Variants in TMEM132C observed in about 807,000 individuals in gnomAD.
TMEM132C encodes transmembrane protein 132C.
A neutral mutation model predicts 61.4 loss-of-function variants in TMEM132C; 29 were observed. The observed-to-expected ratio is 0.47, with a 90% confidence interval of 0.35 to 0.64. The LOEUF (loss-of-function observed/expected upper bound fraction) is 0.64, where lower values mean the gene tolerates loss of function less well. TMEM132C is among the 30% of genes least tolerant of loss of function. The pLI is 0.00. For synonymous variants in TMEM132C, 656 were observed against 633.1 expected (o/e 1.04, Z -0.54); for missense variants, 1,408 against 1,476.9 (o/e 0.95, Z 0.76).
intron 2 of TMEM132C, among the ~76,000 whole-genome samples, chr12:128,447,992 C>T (rs1295902917): frequency 2.1e-5 from 2 of 95,582 alleles, no homozygotes; most frequent in African/African-American, 5.6e-5. Context: ...TCCCAAAGTG[C>T]TGGGTCAAGT....
intron 1 of TMEM132C, among the ~76,000 whole-genome samples, chr12:128,374,200 G>T (rs1874112992): frequency 6.6e-6 from 1 of 152,184 alleles, no homozygotes; most frequent in Non-Finnish European, 1.5e-5. Flanking sequence ...ACATCCGGGA[G>T]ACTATTGCAT....
chr12:128,705,138 C>A lies in TMEM132C; in HGVS notation c.2170C>A (p.Pro724Thr). The A allele has an allele frequency of 1.9e-6, 3 of 1,551,026 alleles. No homozygotes were observed. The highest frequency in any genetic ancestry group is 1.7e-6 in the Non-Finnish European group (2 of 1,146,632). ...WLQFSDGSVTPLDIYDTKDFS... is the reference protein window; with the variant it reads ...WLQFSDGSVTTLDIYDTKDFS... The stretch of plus-strand genomic sequence containing the variant: ...GCAGTTCAGTGATGGCTCTGTGACG[C>A]CCCTGGACATCTACGACACCAAGGA... Residue 724 changes from proline to threonine, a missense_variant, in exon 9 of 9, where the codon CCC becomes ACC. Physicochemically the swap from Pro to Thr is conservative, Grantham distance 38. Coordinates refer to ENST00000435159, the MANE Select transcript of TMEM132C (RefSeq NM_001136103.3).
chr12:128,397,418 G>A (rs539742316), intron 1 of TMEM132C, among the ~76,000 whole-genome samples: 75 of 152,166 alleles, frequency 4.9e-4, no homozygotes, highest in Non-Finnish European at 6.3e-4. Context: ...CAATTGCAAC[G>A]GTCAGGGGCC....
At chr12:128,514,941 C>T (rs556757639) in intron 2 of TMEM132C, among the ~76,000 whole-genome samples, 1 of 152,256 alleles carries the variant, frequency 6.6e-6, no homozygotes, top group African/African-American at 2.4e-5. Flanking sequence ...TCCTGAGTCC[C>T]CGAACAATAA....
intron 1 of TMEM132C, among the ~76,000 whole-genome samples, chr12:128,358,493 T>TTGTGTGTGTGTGTGTGTGTG (rs58748919): frequency 2.2e-4 from 32 of 145,008 alleles, no homozygotes; most frequent in African/African-American, 7.4e-4. Context: ...ACTTTTAAAA[T>TTGTGTGTGTGTGTGTGTGTG]TGTGTGTGTG....
intron 2 of TMEM132C, among the ~76,000 whole-genome samples, chr12:128,492,378 G>A (rs565493414): frequency 1.1e-4 from 16 of 152,264 alleles, no homozygotes; most frequent in Middle Eastern, 3.4e-3. Context: ...TAATGGGATC[G>A]CTGGGTCAAA....
intron 2 of TMEM132C, among the ~76,000 whole-genome samples, chr12:128,520,981 C>G (rs530593101): frequency 6.6e-6 from 1 of 152,098 alleles, no homozygotes; most frequent in African/African-American, 2.4e-5. Flanking sequence ...TATCTTAGTG[C>G]ACCTGAAAGG....
At chr12:128,704,506 C>G (rs1954823071) in intron 8 of TMEM132C, among the ~76,000 whole-genome samples, 1 of 152,214 alleles carries the variant, frequency 6.6e-6, no homozygotes, top group Non-Finnish European at 1.5e-5. Flanking sequence ...TCAACAGGGT[C>G]AACCTTAAAG....
chr12:128,538,646 T>A (rs1384398184), intron 2 of TMEM132C, among the ~76,000 whole-genome samples: 1 of 152,198 alleles, frequency 6.6e-6, no homozygotes, highest in Non-Finnish European at 1.5e-5. Context: ...TTTTACTGCT[T>A]CTCTCCACGC....
At chr12:128,666,229 G>A in intron 4 of TMEM132C, among the ~76,000 whole-genome samples, 1 of 120,060 alleles carries the variant, frequency 8.3e-6, no homozygotes, top group African/African-American at 3.2e-5. Context: ...ACACACACAG[G>A]CACACACACA....
In TMEM132C at chr12:128,706,357, G is replaced by A; in HGVS notation, c.*62G>A. The A allele has an allele frequency of 6.9e-7, 1 of 1,448,902 alleles. No individual in the cohort carries two copies. Among genetic ancestry groups the A allele is most frequent in the South Asian group, 1.5e-5 (1 of 68,178 alleles). 89.8% of individuals were successfully genotyped at this position (1,448,902 alleles called of 1,614,324 possible). Reference sequence around the variant, plus strand: ...CTTGTACTGGAAACTGGCCCAAGTGGGGCAGAAGGCGTTGTCAGTGGGGTT... The same window carrying A: ...CTTGTACTGGAAACTGGCCCAAGTGAGGCAGAAGGCGTTGTCAGTGGGGTT... On this transcript the variant is annotated 3_prime_UTR_variant, in exon 9 of 9. Transcript: ENST00000435159.
intron 2 of TMEM132C, among the ~76,000 whole-genome samples, chr12:128,423,805 G>A (rs943220336): frequency 7.9e-5 from 12 of 151,828 alleles, no homozygotes; most frequent in South Asian, 4.2e-4. Flanking sequence ...AGGCTGAGGC[G>A]GGCGGATCAT....
At chr12:128,386,668 T>C (rs1874592195) in intron 1 of TMEM132C, among the ~76,000 whole-genome samples, 2 of 152,246 alleles carry the variant, frequency 1.3e-5, no homozygotes, top group African/African-American at 4.8e-5. Flanking sequence ...CCTCCCATCT[T>C]CTTGATAACA....
At chr12:128,474,546 T>G (rs554527034) in intron 2 of TMEM132C, among the ~76,000 whole-genome samples, 1 of 152,274 alleles carries the variant, frequency 6.6e-6, no homozygotes, top group Admixed American at 6.5e-5. Context: ...GAACAACATG[T>G]TTTACATCCA....
At chr12:128,437,796 C>T (rs1329916278) in intron 2 of TMEM132C, 1 of 152,190 alleles carries the variant, frequency 6.6e-6, no homozygotes, top group Admixed American at 6.5e-5. Flanking sequence ...TAGAAACTCT[C>T]AGAGAGGACA....
intron 2 of TMEM132C, among the ~76,000 whole-genome samples, chr12:128,436,703 G>A (rs952445966): frequency 4.1e-4 from 63 of 152,212 alleles, no homozygotes; most frequent in Admixed American, 2.2e-3. Flanking sequence ...TGGTGGGAGT[G>A]TAAACTAGTT....
At chr12:128,274,511 A>T (rs1273731502) in intron 1 of TMEM132C, among the ~76,000 whole-genome samples, 1 of 152,144 alleles carries the variant, frequency 6.6e-6, no homozygotes, top group Non-Finnish European at 1.5e-5. Context: ...ACATCTTAAT[A>T]CCTTAATTGC....
rs547373562 is a variant in TMEM132C, at chr12:128,699,520, A to G, written c.2121+2105A>G. ...CACAAGTCCACCTGCATTCCTTCTC[A>G]GTCCCCACCCTACCTTCATCGGCTT... is the stretch of plus-strand genomic sequence containing the variant. On this transcript the variant is annotated intron_variant, in intron 8 of 8. Coordinates refer to ENST00000435159, the MANE Select transcript of TMEM132C (RefSeq NM_001136103.3). 5.3e-5 allele frequency among the ~76,000 whole-genome samples: 8 copies of G among 151,788 alleles called. No homozygotes were observed. In the East Asian group the frequency reaches 1.6e-3, roughly 29 times the overall value.
rs555989500 is a variant in TMEM132C at position 128,320,385 on chromosome 12, A to G, written c.85+52898A>G. On this transcript the variant is annotated intron_variant, in intron 1 of 8. Coordinates refer to ENST00000435159, the MANE Select transcript of TMEM132C (RefSeq NM_001136103.3). ...TTCTTGAATTATTTGTTGTGCCAAA[A>G]TATTTAGGATTTGTATCCCTTTCAT... Among the ~76,000 whole-genome samples, 100 of 152,288 alleles carry G rather than the reference A, an allele frequency of 6.6e-4. 2 individuals carry two copies. The highest frequency in any genetic ancestry group is 2.3e-3 in the African/African-American group (96 of 41,562).
Sources: gnomAD v4.1 joint callset for allele counts (sites outside exome capture counted in the v4.1 genomes callset) on GRCh38, gnomAD v4.1.1 for gene constraint, MANE v1.5 for transcripts, NCBI Gene and HGNC (gene_info 2026-07-23, HGNC 2026-07-21) for gene names.